The following SAMD12 variants were observed in gnomAD, a reference collection of about 807,000 sequenced individuals.
SAMD12 encodes sterile alpha motif domain containing 12, also known as sterile alpha motif domain-containing protein 12.
Under a neutral mutation model 15.0 loss-of-function variants are expected in SAMD12, and 9 were observed. That is an observed-to-expected ratio of 0.60 (90% CI 0.36 to 1.05). The LOEUF (loss-of-function observed/expected upper bound fraction) is 1.05, where lower values mean the gene tolerates loss of function less well. SAMD12 is among the 50% of genes least tolerant of loss of function. SAMD12 has a pLI of 0.01. For missense variants in SAMD12, 230 were observed against 234.2 expected, an observed-to-expected ratio of 0.98 and a Z score of 0.12; for synonymous variants, 86 against 90.1, an observed-to-expected ratio of 0.96 and a Z score of 0.25.
intron 4 of SAMD12, among the ~76,000 whole-genome samples, chr8:118,238,751 G>T (rs1286793144): frequency 1.3e-5 from 2 of 152,018 alleles, no homozygotes; most frequent in African/African-American, 4.8e-5. Flanking sequence ...TTTTACTTTT[G>T]TCCTTTTAGA....
chr8:118,489,782 T>C (rs1563891007), intron 2 of SAMD12, among the ~76,000 whole-genome samples: 3 of 152,210 alleles, frequency 2.0e-5, no homozygotes, highest in South Asian at 4.1e-4. Flanking sequence ...TTCTGTTTTA[T>C]TGTGTTTCTT....
At chr8:118,175,208 T>C in the SAMD12 span, among the ~76,000 whole-genome samples, 2 of 152,102 alleles carry the variant, frequency 1.3e-5, no homozygotes, top group East Asian at 1.9e-4. Context: ...CATCTGATCT[T>C]CAACAAAGCC....
At chr8:118,581,068 C>G (rs1448990042) in intron 1 of SAMD12, among the ~76,000 whole-genome samples, 175 bp from the exon 2 acceptor site, 3 of 152,086 alleles carry the variant, frequency 2.0e-5, no homozygotes, top group Non-Finnish European at 4.4e-5. Context: ...TAGTGGGAAA[C>G]CTTGAGCTTG....
chr8:118,221,315 C>T (rs1041323453), intron 4 of SAMD12, among the ~76,000 whole-genome samples: 21 of 152,098 alleles, frequency 1.4e-4, no homozygotes, highest in Admixed American at 1.2e-3. Flanking sequence ...GTGTGGAAAA[C>T]GTGTTGGAAA....
intron 4 of SAMD12, among the ~76,000 whole-genome samples, chr8:118,277,067 C>T (rs1172606293): frequency 6.6e-6 from 1 of 152,106 alleles, no homozygotes; most frequent in African/African-American, 2.4e-5. Context: ...ACCCTCCACA[C>T]CTGGAATCAT....
intron 2 of SAMD12, among the ~76,000 whole-genome samples, chr8:118,542,956 A>G (rs1238421647): frequency 1.3e-5 from 2 of 152,202 alleles, no homozygotes; most frequent in South Asian, 4.1e-4. Context: ...CAACATAGAC[A>G]TAAAAGAGGG....
At chr8:118,256,779 T>TAC (rs3052764) in intron 4 of SAMD12, among the ~76,000 whole-genome samples, 54,081 of 139,614 alleles carry the variant, frequency 0.39, 12,124 homozygotes, top group Middle Eastern at 0.55. Context: ...CTGCATAAGA[T>TAC]ACACACACAC....
At chr8:118,302,078 G>GATTTTTTTTTTTTTTTTTT (rs1815062939) in intron 4 of SAMD12, among the ~76,000 whole-genome samples, 2 of 74,692 alleles carry the variant, frequency 2.7e-5, no homozygotes, top group Admixed American at 2.1e-4. Flanking sequence ...ATCTTTGAGA[G>GATTTTTTTTTTTTTTTTTT]TTTTTTTTTT....
chr8:118,292,431 C>G (rs1814446711), intron 4 of SAMD12, among the ~76,000 whole-genome samples: 1 of 148,706 alleles, frequency 6.7e-6, no homozygotes, highest in South Asian at 2.1e-4. Context: ...GAAAAAACAA[C>G]AATATAATAA....
chr8:118,621,685 GC>G (rs1828411881), intron 1 of SAMD12, 118 bp downstream of exon 1: 7 of 1,160,746 alleles, frequency 6.0e-6, no homozygotes, highest in Non-Finnish European at 7.8e-6. Context: ...GGAGGAAGGG[GC>G]CCGCTCTCCG....
chr8:118,195,479 T>C (rs1324978982), exon 5 of SAMD12: 1 of 152,228 alleles, frequency 6.6e-6, no homozygotes, highest in African/African-American at 2.4e-5. Flanking sequence ...AATGCTGCTT[T>C]GGGGAGCTCC....
intron 2 of SAMD12, among the ~76,000 whole-genome samples, chr8:118,484,233 G>A (rs1479466608): frequency 3.3e-5 from 5 of 151,982 alleles, no homozygotes; most frequent in African/African-American, 1.2e-4. Context: ...ATTCGTAACC[G>A]ATCTATGATA....
At chr8:118,234,751 A>G (rs1812390901) in intron 4 of SAMD12, among the ~76,000 whole-genome samples, 1 of 151,604 alleles carries the variant, frequency 6.6e-6, no homozygotes, top group Admixed American at 6.6e-5. Flanking sequence ...TGAAGGAAGC[A>G]ATAAATAATA....
At chr8:118,487,672 C>T (rs1029229668) in intron 2 of SAMD12, among the ~76,000 whole-genome samples, 3 of 152,176 alleles carry the variant, frequency 2.0e-5, no homozygotes, top group South Asian at 2.1e-4. Flanking sequence ...TCCCAAATGA[C>T]CTCTTGAGTT....
At chr8:118,301,723 C>G (rs1815038430) in intron 4 of SAMD12, among the ~76,000 whole-genome samples, 1 of 152,118 alleles carries the variant, frequency 6.6e-6, no homozygotes, top group Non-Finnish European at 1.5e-5. Flanking sequence ...CTTACAGGCT[C>G]CTGAACAGAA....
At chr8:118,505,540 A>G (rs1009055621) in intron 2 of SAMD12, among the ~76,000 whole-genome samples, 4 of 151,930 alleles carry the variant, frequency 2.6e-5, no homozygotes, top group African/African-American at 9.7e-5. Context: ...CTCTCTTCTG[A>G]CTTGACATGC....
intron 2 of SAMD12, among the ~76,000 whole-genome samples, chr8:118,450,067 T>C (rs12677506): frequency 0.72 from 109,050 of 151,900 alleles, 39,457 homozygotes; most frequent in African/African-American, 0.8. Context: ...AAAGATACAG[T>C]GCAGCTTCCC....
the SAMD12 span, among the ~76,000 whole-genome samples, chr8:118,167,775 C>G: frequency 6.6e-6 from 1 of 152,232 alleles, no homozygotes; most frequent in East Asian, 1.9e-4. Context: ...GTCCTAACAT[C>G]TCCTCACAGA....
chr8:118,487,760 C>T (rs572864159), intron 2 of SAMD12, among the ~76,000 whole-genome samples: 12 of 152,150 alleles, frequency 7.9e-5, no homozygotes, highest in East Asian at 1.9e-4. Context: ...AGATAATGCA[C>T]GACAGAATTG....
Sources: allele counts gnomAD v4.1 joint callset (sites outside exome capture counted in the v4.1 genomes callset), GRCh38; gene constraint gnomAD v4.1.1; transcripts MANE v1.5; gene names NCBI Gene and HGNC (gene_info 2026-07-23, HGNC 2026-07-21).